The following BEND5 variants were observed in gnomAD, a reference collection of about 807,000 sequenced individuals.
BEND5 encodes BEN domain-containing protein 5.
Under a neutral mutation model 43.9 loss-of-function variants are expected in BEND5, and 22 were observed. That is an observed-to-expected ratio of 0.50 (90% CI 0.36 to 0.72). The LOEUF is 0.72. BEND5 is among the 30% of genes least tolerant of loss of function. The pLI is 0.00. For synonymous variants in BEND5, 228 were observed against 225.9 expected, an observed-to-expected ratio of 1.01 and a Z score of -0.08; for missense variants, 428 against 550.6, an observed-to-expected ratio of 0.78 and a Z score of 2.23.
chr1:48,761,864 G>A (rs1482474249), intron 1 of BEND5, among the ~76,000 whole-genome samples: 1 of 152,190 alleles, frequency 6.6e-6, no homozygotes, highest in Non-Finnish European at 1.5e-5. Context: ...TCTAAGCCAA[G>A]TGTCTTCCCA....
intron 1 of BEND5, among the ~76,000 whole-genome samples, chr1:48,765,700 G>A (rs193030285): frequency 6.6e-6 from 1 of 152,258 alleles, no homozygotes; most frequent in East Asian, 1.9e-4. Flanking sequence ...ATAACAAAAT[G>A]TGGTATACCC....
chr1:48,737,052 G>T (rs1649174962), intron 4 of BEND5, among the ~76,000 whole-genome samples: 1 of 152,196 alleles, frequency 6.6e-6, no homozygotes, highest in Non-Finnish European at 1.5e-5. Context: ...GGGAGGCAGA[G>T]GTGGGCGGAT....
At chr1:48,744,801 C>T (rs1232741070) in intron 3 of BEND5, among the ~76,000 whole-genome samples, 1 of 152,180 alleles carries the variant, frequency 6.6e-6, no homozygotes, top group Non-Finnish European at 1.5e-5. Flanking sequence ...TCCTCTCTAC[C>T]GCTAGGGTTC....
At chr1:48,775,211 C>G (rs1645017458) in intron 1 of BEND5, among the ~76,000 whole-genome samples, 1 of 152,138 alleles carries the variant, frequency 6.6e-6, no homozygotes, top group Non-Finnish European at 1.5e-5. Flanking sequence ...TGTGCCAGGG[C>G]TTATCAGGGA....
intron 3 of BEND5, among the ~76,000 whole-genome samples, chr1:48,749,339 C>T (rs1258048673): frequency 2.6e-5 from 4 of 152,118 alleles, no homozygotes; most frequent in African/African-American, 9.7e-5. Flanking sequence ...CTGCTATATC[C>T]CCAGCACCCA....
chr1:48,732,280 C>G (rs958877089), intron 5 of BEND5, among the ~76,000 whole-genome samples: 3 of 152,034 alleles, frequency 2.0e-5, no homozygotes, highest in African/African-American at 7.3e-5. Flanking sequence ...ATGTGGGCAT[C>G]TGTGAAGAGA....
intron 1 of BEND5, among the ~76,000 whole-genome samples, chr1:48,775,305 C>T (rs1344369338): frequency 6.6e-6 from 1 of 152,070 alleles, no homozygotes; most frequent in South Asian, 2.1e-4. Context: ...TTCTGCAAAC[C>T]GATTTTTCAG....
intron 5 of BEND5, among the ~76,000 whole-genome samples, chr1:48,735,228 G>C (rs1190825993): frequency 6.6e-6 from 1 of 152,140 alleles, no homozygotes; most frequent in Admixed American, 6.5e-5. Flanking sequence ...TCTACACCAT[G>C]GTCTGTCTCT....
At chr1:48,771,965 C>G (rs1457308554) in intron 1 of BEND5, among the ~76,000 whole-genome samples, 5 of 152,222 alleles carry the variant, frequency 3.3e-5, no homozygotes, top group African/African-American at 1.2e-4. Context: ...AATCCTACGG[C>G]AGGTTTCTGT....
chr1:48,736,599 T>G lies in BEND5; in HGVS notation c.895-147A>C, dbSNP rs1649097176. ...TAACTCTCTTTAAGGGTAATCGTAATAGCTATCATCTACTGAATACGTGTA... is the reference window on the plus strand; with the variant it reads ...TAACTCTCTTTAAGGGTAATCGTAAGAGCTATCATCTACTGAATACGTGTA... On this transcript the variant is annotated intron_variant, in intron 4 of 5. Transcript: ENST00000371833. This position sits in a 1 kb window ranked among gnomAD's most constrained non-coding sequence, Gnocchi z 4.0. 2.8e-6 allele frequency: 2 copies of G among 702,026 alleles called. No individual in the cohort carries two copies. The highest frequency in any genetic ancestry group is 3.6e-5 in the African/African-American group (2 of 55,834). The allele number at this position is 702,026 out of a possible 1,614,324, so 43.5% of individuals were successfully genotyped here. A position where few individuals can be genotyped will look rare whatever the true frequency, so the allele number is the denominator to read the frequency against.
Position 48,759,376 on chromosome 1 carries a change from C to A in BEND5, c.361-92G>T. 3 of 1,473,378 alleles carry A rather than the reference C, an allele frequency of 2.0e-6. No homozygotes were observed. The East Asian group carries it at 7.5e-5, about 37-fold the overall frequency. 91.3% of individuals were successfully genotyped at this position (1,473,378 alleles called of 1,614,324 possible). ...ATTTCCCCAGACAATCCTAAAATCA[C>A]AGAATCACAGAACATCAGTGCTTGG... On this transcript the variant is annotated intron_variant, in intron 2 of 5. Transcript: ENST00000371833.
intron 5 of BEND5, among the ~76,000 whole-genome samples, chr1:48,732,683 A>G (rs1648336073): frequency 6.6e-6 from 1 of 152,068 alleles, no homozygotes; most frequent in South Asian, 2.1e-4. Context: ...AGCAAATGGG[A>G]AGTGTGGTAT....
intron 1 of BEND5, among the ~76,000 whole-genome samples, chr1:48,770,084 C>G (rs1644738093): frequency 6.6e-6 from 1 of 152,150 alleles, no homozygotes; most frequent in Non-Finnish European, 1.5e-5. Context: ...CATTATTTGT[C>G]TGCTCTCTCT....
chr1:48,759,431 C>G, intron 2 of BEND5, 147 bp from the exon 3 acceptor site: 1 of 1,323,512 alleles, frequency 7.6e-7, no homozygotes, highest in Non-Finnish European at 9.9e-7. Flanking sequence ...TAGTCAAAGC[C>G]CTTCATTTTA....
chr1:48,742,048 C>T (rs917719992), intron 4 of BEND5, among the ~76,000 whole-genome samples: 4 of 152,306 alleles, frequency 2.6e-5, no homozygotes, highest in South Asian at 2.1e-4. Context: ...ATATAAATAA[C>T]GCTGAGTAGT....
rs143064733 is a variant in BEND5 at position 48,738,463 on chromosome 1, G to A, written c.895-2011C>T. ...CAAGGTCAAGTGTGGCCTTTTCTCCGCAGTTCGAACTGCAGGTGGGCAGTC... is the reference window on the plus strand; with the variant it reads ...CAAGGTCAAGTGTGGCCTTTTCTCCACAGTTCGAACTGCAGGTGGGCAGTC... On this transcript the variant is annotated intron_variant, in intron 4 of 5. Transcript: ENST00000371833. Among the ~76,000 whole-genome samples, 303 of 152,320 alleles carry A rather than the reference G, an allele frequency of 2.0e-3. 6 individuals carry two copies. Among genetic ancestry groups the A allele is most frequent in the Non-Finnish European group, 2.9e-4 (20 of 68,038 alleles).
At position 48,776,254 on chromosome 1, in the gene BEND5, G is replaced by A. The variant is rs187808997; in HGVS notation, c.226+352C>T. On this transcript the variant is annotated intron_variant, in intron 1 of 5. Transcript: ENST00000371833. ...ACTGGGAGAGAGGTAAAGAGAAGGT[G>A]AGAGAGAAATGACGGTACAAACAGG... 3.1e-3 allele frequency among the ~76,000 whole-genome samples: 476 copies of A among 152,312 alleles called. 2 individuals are homozygous for A. The highest frequency in any genetic ancestry group is 0.01 in the African/African-American group (424 of 41,562).
intron 1 of BEND5, among the ~76,000 whole-genome samples, chr1:48,771,261 G>A (rs1257292937): frequency 6.6e-6 from 1 of 152,146 alleles, no homozygotes; most frequent in African/African-American, 2.4e-5. Context: ...GAGCTTATAA[G>A]ACAAAGCAGG....
chr1:48,745,688 T>G (rs1445917137), intron 3 of BEND5, among the ~76,000 whole-genome samples: 1 of 152,192 alleles, frequency 6.6e-6, no homozygotes, highest in East Asian at 1.9e-4. Context: ...ATCTCTCCAA[T>G]GAGGCTGCCC....
Sources: gnomAD v4.1 joint callset for allele counts (sites outside exome capture counted in the v4.1 genomes callset) on GRCh38, gnomAD v4.1.1 for gene constraint, Gnocchi (gnomAD v3.1) non-coding constraint, MANE v1.5 for transcripts, NCBI Gene and HGNC (gene_info 2026-07-23, HGNC 2026-07-21) for gene names.